GABRG2: variants seen among roughly 807,000 people sequenced by gnomAD.
The protein encoded by GABRG2 is gamma-aminobutyric acid receptor subunit gamma-2.
In GABRG2, 16 loss-of-function variants were observed where a neutral mutation model predicts 56.4. That is an observed-to-expected ratio of 0.28 (90% CI 0.19 to 0.43). The LOEUF is 0.43. GABRG2 is among the 20% of genes least tolerant of loss of function. The pLI is 1.00. For synonymous variants in GABRG2, 208 were observed against 205.5 expected, an observed-to-expected ratio of 1.01 and a Z score of -0.10; for missense variants, 327 against 582.7, an observed-to-expected ratio of 0.56 and a Z score of 4.52.
chr5:162,124,444 C>A (rs1763180528), intron 6 of GABRG2, among the ~76,000 whole-genome samples: 1 of 151,846 alleles, frequency 6.6e-6, no homozygotes. Flanking sequence ...GAATTACTCA[C>A]CCCTAGAAAA....
At chr5:162,092,872 G>T (rs891994086) in intron 1 of GABRG2, among the ~76,000 whole-genome samples, 6 of 152,102 alleles carry the variant, frequency 3.9e-5, no homozygotes, top group African/African-American at 1.4e-4. Flanking sequence ...TTCATTCAGT[G>T]TTGATAAAAA....
chr5:162,128,305 C>T (rs998303257), intron 6 of GABRG2: 1 of 151,872 alleles, frequency 6.6e-6, no homozygotes, highest in Non-Finnish European at 1.5e-5. Flanking sequence ...TCATTCAACC[C>T]GCATTCAGCA....
chr5:162,074,681 C>T (rs964918272), intron 1 of GABRG2, among the ~76,000 whole-genome samples: 9 of 151,972 alleles, frequency 5.9e-5, no homozygotes, highest in African/African-American at 1.9e-4. Flanking sequence ...TGAAAACACA[C>T]TTGAGATACA....
chr5:162,119,792 T>A (rs1371585929), intron 6 of GABRG2, among the ~76,000 whole-genome samples: 4 of 152,170 alleles, frequency 2.6e-5, no homozygotes, highest in African/African-American at 9.7e-5. Flanking sequence ...AATGAAGAAA[T>A]CATTGTCCTA....
At chr5:162,128,478 G>GC (rs1763492702) in intron 6 of GABRG2, 1 of 151,926 alleles carries the variant, frequency 6.6e-6, no homozygotes, top group Non-Finnish European at 1.5e-5. Context: ...TGCTGGAAAT[G>GC]CCCCTGGCTT....
In GABRG2 at chr5:162,077,953, G is replaced by T. The variant is rs577455567; in HGVS notation, c.107+9847G>T. Among the ~76,000 whole-genome samples, 7 of 152,168 alleles carry T rather than the reference G, an allele frequency of 4.6e-5. No homozygotes were observed. The East Asian group carries it at 1.4e-3, about 29-fold the overall frequency. ...AGGAGGAGGGAGGAAGGGAGTGGGA[G>T]AGAGGGCTTTCAAGATGAAAGCCAT... On this transcript the variant is annotated intron_variant, in intron 1 of 9. Transcript: ENST00000639213.
chr5:162,136,848 T>C (rs1032442052), intron 6 of GABRG2, among the ~76,000 whole-genome samples: 12 of 152,210 alleles, frequency 7.9e-5, no homozygotes, highest in Non-Finnish European at 1.6e-4. Context: ...TAAATTAGCA[T>C]GTGTCTGTTA....
intron 1 of GABRG2, among the ~76,000 whole-genome samples, chr5:162,078,398 T>TATATATATATA (rs1491452559): frequency 6.1e-5 from 1 of 16,394 alleles, no homozygotes; most frequent in African/African-American, 3.3e-4. Flanking sequence ...TATATATATA[T>TATATATATATA]TTTTTTTTTT....
intron 6 of GABRG2, among the ~76,000 whole-genome samples, chr5:162,128,668 C>A (rs185201429): frequency 5.8e-4 from 88 of 152,056 alleles, no homozygotes; most frequent in Middle Eastern, 3.4e-3. Context: ...TGTACTTCGA[C>A]TTTTTGAGGA....
intron 6 of GABRG2, among the ~76,000 whole-genome samples, chr5:162,135,998 G>T (rs1416971506): frequency 6.6e-6 from 1 of 152,148 alleles, no homozygotes; most frequent in Non-Finnish European, 1.5e-5. Flanking sequence ...ATATGTATAG[G>T]CATGATCAGA....
At chr5:162,087,932 T>A (rs1317322911) in intron 1 of GABRG2, among the ~76,000 whole-genome samples, 1 of 152,094 alleles carries the variant, frequency 6.6e-6, no homozygotes, top group Non-Finnish European at 1.5e-5. Flanking sequence ...TCAAAAAAAA[T>A]TAAACAGGAT....
At chr5:162,094,052 C>T in intron 2 of GABRG2, 73 bp downstream of exon 2, 1 of 1,475,404 alleles carries the variant, frequency 6.8e-7, no homozygotes, top group Non-Finnish European at 9.5e-7. Context: ...GATAAAACAT[C>T]AGTGTAGTTC....
intron 3 of GABRG2, among the ~76,000 whole-genome samples, chr5:162,095,816 C>T (rs545687998): frequency 2.6e-5 from 4 of 152,048 alleles, no homozygotes; most frequent in South Asian, 2.1e-4. Context: ...ATTCAACAAT[C>T]GGTGTTTACT....
chr5:162,069,423 G>A (rs971856190), intron 1 of GABRG2, among the ~76,000 whole-genome samples: 1 of 152,138 alleles, frequency 6.6e-6, no homozygotes, highest in Admixed American at 6.5e-5. Flanking sequence ...CATGGTAGTT[G>A]TAACAAAAGC....
intron 1 of GABRG2, among the ~76,000 whole-genome samples, chr5:162,092,098 G>T (rs1268298285): frequency 1.3e-5 from 2 of 152,054 alleles, no homozygotes; most frequent in Admixed American, 6.6e-5. Context: ...TAAGATTTGG[G>T]TCAGAGGATT....
At chr5:162,106,727 T>C (rs1761855637) in intron 6 of GABRG2, among the ~76,000 whole-genome samples, 1 of 152,200 alleles carries the variant, frequency 6.6e-6, no homozygotes, top group Non-Finnish European at 1.5e-5. Context: ...GTGAAGGATT[T>C]TCCAACCTTT....
chr5:162,070,122 CA>C (rs1338292735), intron 1 of GABRG2, among the ~76,000 whole-genome samples: 5 of 152,098 alleles, frequency 3.3e-5, no homozygotes, highest in African/African-American at 1.2e-4. Context: ...TTTTCCATTT[CA>C]ATGTCTTATA....
intron 6 of GABRG2, among the ~76,000 whole-genome samples, chr5:162,137,926 TA>T (rs1409532741): frequency 3.3e-5 from 5 of 151,226 alleles, no homozygotes; most frequent in African/African-American, 1.2e-4. Flanking sequence ...TAATTTTTGG[TA>T]TTTTTTTTTT....
chr5:162,074,614 G>A (rs895431506), intron 1 of GABRG2, among the ~76,000 whole-genome samples: 1 of 151,996 alleles, frequency 6.6e-6, no homozygotes, highest in Non-Finnish European at 1.5e-5. Context: ...AAAAATGATT[G>A]ATGCTTTCAC....
Sources: allele counts gnomAD v4.1 joint callset (sites outside exome capture counted in the v4.1 genomes callset), GRCh38; gene constraint gnomAD v4.1.1; transcripts MANE v1.5; gene names NCBI Gene and HGNC (gene_info 2026-07-23, HGNC 2026-07-21).